Variants in PHLPP1 observed in about 807,000 individuals in gnomAD.
PHLPP1 encodes the protein PH domain leucine-rich repeat-containing protein phosphatase 1.
PHLPP1 carries 42 observed loss-of-function variants against 117.2 expected under a neutral mutation model. The ratio of observed to expected loss-of-function variants is 0.36; its 90% CI spans 0.28 to 0.46. PHLPP1 has a LOEUF of 0.46. PHLPP1 is among the 20% of genes least tolerant of loss of function. PHLPP1 has a pLI of 1.00. For synonymous variants in PHLPP1, 1,042 were observed against 970.7 expected (o/e 1.07, Z -1.37); for missense variants, 2,084 against 2,241.9 (o/e 0.93, Z 1.42).
chr18:62,763,204 CAG>C (rs1461783233), intron 1 of PHLPP1, among the ~76,000 whole-genome samples: 2 of 152,320 alleles, frequency 1.3e-5, no homozygotes, highest in Middle Eastern at 3.4e-3. Context: ...CCAACCTGTG[CAG>C]CTAAAGTGGT....
At chr18:62,919,035 CAG>C (rs954379466) in intron 9 of PHLPP1, among the ~76,000 whole-genome samples, 2 of 152,000 alleles carry the variant, frequency 1.3e-5, no homozygotes, top group African/African-American at 4.8e-5. Flanking sequence ...TGGTGGAAAA[CAG>C]GAGGTGGATG....
intron 1 of PHLPP1, among the ~76,000 whole-genome samples, chr18:62,811,086 T>G (rs1011647699): frequency 6.6e-6 from 1 of 152,202 alleles, no homozygotes; most frequent in Non-Finnish European, 1.5e-5. Context: ...ATTGGTGTTT[T>G]GCTGGGTTTG....
intron 4 of PHLPP1, among the ~76,000 whole-genome samples, chr18:62,869,979 G>A (rs2144371401): frequency 6.6e-6 from 1 of 152,264 alleles, no homozygotes; most frequent in East Asian, 1.9e-4. Flanking sequence ...TGCAACCTCT[G>A]CCTCCCAGGT....
At chr18:62,944,278 A>G (rs1194952934) in intron 11 of PHLPP1, among the ~76,000 whole-genome samples, 2 of 152,176 alleles carry the variant, frequency 1.3e-5, no homozygotes, top group Non-Finnish European at 2.9e-5. Context: ...AGGTAGAGGC[A>G]TTGTTTTTTC....
chr18:62,747,964 T>C (rs780021399), intron 1 of PHLPP1, among the ~76,000 whole-genome samples: 1 of 152,230 alleles, frequency 6.6e-6, no homozygotes, highest in Non-Finnish European at 1.5e-5. Context: ...TTCTTTGGTA[T>C]TGGTTGAGAT....
At chr18:62,958,319 A>G (rs1910677063) in intron 12 of PHLPP1, among the ~76,000 whole-genome samples, 1 of 152,236 alleles carries the variant, frequency 6.6e-6, no homozygotes. Flanking sequence ...GAGCAATAAG[A>G]AAATCTATTA....
intron 1 of PHLPP1, among the ~76,000 whole-genome samples, chr18:62,757,680 T>G (rs1433658211): frequency 6.6e-6 from 1 of 152,214 alleles, no homozygotes; most frequent in Non-Finnish European, 1.5e-5. Flanking sequence ...TTCTCTAAAT[T>G]CTTTAGCAAG....
chr18:62,912,144 G>A (rs1916967622), intron 8 of PHLPP1, among the ~76,000 whole-genome samples: 1 of 111,300 alleles, frequency 9.0e-6, no homozygotes, highest in African/African-American at 3.4e-5. Flanking sequence ...ACACTCTGGG[G>A]ACTGTGGTGG....
At position 62,761,800 on chromosome 18, in the gene PHLPP1, G is replaced by A. The variant is rs142340657; in HGVS notation, c.1576+44541G>A. ...CTTTTTTTAAAAAAATAATGACAGA[G>A]TCTCACTATGTTGGCCAGGTTGGTC... On this transcript the variant is annotated intron_variant, in intron 1 of 16. Transcript: ENST00000262719. Among the ~76,000 whole-genome samples, 206 of 152,082 alleles carry A rather than the reference G, an allele frequency of 1.4e-3. 1 individual carries two copies. Among genetic ancestry groups the A allele is most frequent in the African/African-American group, 4.7e-3 (195 of 41,496 alleles).
chr18:62,826,889 A>G (rs560467499), intron 1 of PHLPP1, among the ~76,000 whole-genome samples: 95 of 152,236 alleles, frequency 6.2e-4, no homozygotes, highest in Non-Finnish European at 9.7e-4. Flanking sequence ...AGTCCGAGGT[A>G]CTTGGGAGGC....
chr18:62,953,572 C>T (rs1910525957), intron 12 of PHLPP1, among the ~76,000 whole-genome samples: 1 of 152,166 alleles, frequency 6.6e-6, no homozygotes, highest in Non-Finnish European at 1.5e-5. Flanking sequence ...TGTTTATTTC[C>T]CCCCACTATC....
chr18:62,959,480 T>C (rs1008933031), intron 13 of PHLPP1, among the ~76,000 whole-genome samples: 1 of 152,190 alleles, frequency 6.6e-6, no homozygotes, highest in Non-Finnish European at 1.5e-5. Flanking sequence ...TGAAAGGATA[T>C]ATAAAAAGAG....
intron 1 of PHLPP1, among the ~76,000 whole-genome samples, chr18:62,768,381 A>G (rs1192514322): frequency 2.0e-5 from 3 of 152,224 alleles, no homozygotes; most frequent in Non-Finnish European, 2.9e-5. Flanking sequence ...CAGGAAGTAC[A>G]GCATGAACTT....
intron 11 of PHLPP1, among the ~76,000 whole-genome samples, chr18:62,942,880 T>TA (rs1599133888): frequency 6.6e-6 from 1 of 152,222 alleles, no homozygotes; most frequent in African/African-American, 2.4e-5. Context: ...TATGTTGACT[T>TA]AAAGTATTGC....
chr18:62,952,019 CA>C (rs1387719426), intron 12 of PHLPP1, among the ~76,000 whole-genome samples: 1 of 151,850 alleles, frequency 6.6e-6, no homozygotes, highest in Non-Finnish European at 1.5e-5. Context: ...GGGGTTTTGC[CA>C]TGTTAGCCAG....
intron 3 of PHLPP1, among the ~76,000 whole-genome samples, chr18:62,846,561 T>G: frequency 6.6e-6 from 1 of 151,948 alleles, no homozygotes; most frequent in East Asian, 1.9e-4. Context: ...AAAAAAAAGC[T>G]AAAGTAAATG....
intron 1 of PHLPP1, among the ~76,000 whole-genome samples, chr18:62,773,962 G>A (rs745617169): frequency 3.9e-5 from 6 of 152,120 alleles, no homozygotes; most frequent in Non-Finnish European, 7.4e-5. Context: ...CTGCTTTTAT[G>A]AGGTCACTAA....
chr18:62,750,357 C>T (rs1449156680), intron 1 of PHLPP1, among the ~76,000 whole-genome samples: 1 of 152,178 alleles, frequency 6.6e-6, no homozygotes, highest in African/African-American at 2.4e-5. Flanking sequence ...CTCTCTCTCT[C>T]TCTGTCTCTC....
intron 12 of PHLPP1, among the ~76,000 whole-genome samples, chr18:62,951,723 G>C (rs577631602): frequency 1.4e-4 from 21 of 150,742 alleles, no homozygotes; most frequent in African/African-American, 4.4e-4. Flanking sequence ...TTCTCAATCT[G>C]AGTAAAACTA....
Sources: allele counts gnomAD v4.1 joint callset (sites outside exome capture counted in the v4.1 genomes callset), GRCh38; gene constraint gnomAD v4.1.1; transcripts MANE v1.5; gene names NCBI Gene and HGNC (gene_info 2026-07-23, HGNC 2026-07-21).